CGGBP1: variants seen among roughly 807,000 people sequenced by gnomAD.
The protein encoded by CGGBP1 is CGG triplet repeat binding protein 1.
A neutral mutation model predicts 11.4 loss-of-function variants in CGGBP1; 4 were observed. That is an observed-to-expected ratio of 0.35 (90% CI 0.17 to 0.80). The LOEUF (loss-of-function observed/expected upper bound fraction) is 0.80. Ranked by LOEUF, CGGBP1 falls within the 30% of genes least tolerant of loss-of-function variation. CGGBP1 has a pLI of 0.52. For synonymous variants in CGGBP1, 76 were observed against 74.1 expected (o/e 1.03, Z -0.13); for missense variants, 135 against 202.1 (o/e 0.67, Z 2.01).
At chr3:88,098,841 T>C (rs529692392) in intron 2 of CGGBP1, among the ~76,000 whole-genome samples, 40 of 152,226 alleles carry the variant, frequency 2.6e-4, no homozygotes, top group African/African-American at 8.7e-4. Flanking sequence ...TATCTCAAAA[T>C]AATAAGAGCT....
At chr3:88,090,668 C>T (rs1197672689) in intron 2 of CGGBP1, among the ~76,000 whole-genome samples, 1 of 152,130 alleles carries the variant, frequency 6.6e-6, no homozygotes, top group African/African-American at 2.4e-5. Flanking sequence ...ATTCACCATT[C>T]ACTCACTGAC....
Position 88,055,873 on chromosome 3 carries a change from T to C in CGGBP1, c.104A>G (p.His35Arg), listed in dbSNP as rs1364324411. Residue 35 changes from histidine to arginine, a missense_variant, in exon 4 of 4, where the codon CAT (histidine) becomes CGT (arginine). His to Arg is a conservative substitution (Grantham distance 29). Transcript: ENST00000482016. The surrounding 1 kb of genome is among the most constrained non-coding windows in gnomAD (Gnocchi z 4.2). ...DRVTEFGGELHEDGGKLFCTS... is the reference protein window; with the variant it reads ...DRVTEFGGELREDGGKLFCTS... ...GCAGAAGAGTTTTCCTCCATCTTCA[T>C]GCAGCTCACCTCCAAACTCAGTGAC... is the stretch of plus-strand genomic sequence containing the variant. 1.2e-6 allele frequency: 2 copies of C among 1,614,214 alleles called. No individual in the cohort carries two copies. Among genetic ancestry groups the C allele is most frequent in the Admixed American group, 1.7e-5 (1 of 60,030 alleles).
intron 2 of CGGBP1, among the ~76,000 whole-genome samples, chr3:88,102,690 A>G (rs1704496277): frequency 6.6e-6 from 1 of 152,188 alleles, no homozygotes; most frequent in Non-Finnish European, 1.5e-5. Context: ...CATGATACCA[A>G]CAACAAAACC....
At chr3:88,107,650 C>A (rs1288576858) in intron 2 of CGGBP1, among the ~76,000 whole-genome samples, 1 of 152,074 alleles carries the variant, frequency 6.6e-6, no homozygotes, top group South Asian at 2.1e-4. Context: ...TTAACTCTTG[C>A]TTCTTGTGTT....
At chr3:88,116,559 T>TACACACACACACACACACACACACAC (rs140401038) in intron 2 of CGGBP1, among the ~76,000 whole-genome samples, 1 of 146,654 alleles carries the variant, frequency 6.8e-6, no homozygotes, top group African/African-American at 2.5e-5. Flanking sequence ...CATACATATA[T>TACACACACACACACACACACACACAC]ATACACACAC....
chr3:88,128,395 T>A (rs2032685497), intron 2 of CGGBP1, among the ~76,000 whole-genome samples: 1 of 152,106 alleles, frequency 6.6e-6, no homozygotes, highest in South Asian at 2.1e-4. Flanking sequence ...ATGGTTTTAA[T>A]GTGACAGATT....
At chr3:88,069,913 A>G (rs1398584613) in intron 2 of CGGBP1, among the ~76,000 whole-genome samples, 1 of 152,182 alleles carries the variant, frequency 6.6e-6, no homozygotes, top group Admixed American at 6.5e-5. Context: ...CCATATTTAG[A>G]TTTAACCTTG....
chr3:88,066,852 A>G (rs1707230931), intron 2 of CGGBP1, among the ~76,000 whole-genome samples: 1 of 152,244 alleles, frequency 6.6e-6, no homozygotes, highest in Non-Finnish European at 1.5e-5. Context: ...CTGGTAAGAT[A>G]TGTGAAGAAA....
In CGGBP1 at chr3:88,069,657, G is replaced by A. The variant is rs187130591; in HGVS notation, c.-228-11434C>T. On this transcript the variant is annotated intron_variant, in intron 2 of 3. Transcript: ENST00000462901. ...GACTTTTCTGCTACTTAGATGGAGA[G>A]TCTTTCAGTTATTTTTGTATTCACC... Among the ~76,000 whole-genome samples the A allele has an allele frequency of 3.9e-5, 6 of 152,262 alleles. No individual in the cohort carries two copies. In the East Asian group the frequency reaches 9.7e-4, roughly 25 times the overall value.
At chr3:88,088,761 TATGGATGG>T (rs931246026) in intron 2 of CGGBP1, among the ~76,000 whole-genome samples, 5 of 126,488 alleles carry the variant, frequency 4.0e-5, no homozygotes, top group African/African-American at 1.5e-4. Flanking sequence ...TGTATGTATG[TATGGATGG>T]ATGGATGGAT....
At position 88,057,214 on chromosome 3, in the gene CGGBP1, A is replaced by G. The variant is rs899118327; in HGVS notation, c.-47T>C. The G allele has an allele frequency of 2.0e-5, 3 of 152,176 alleles. No homozygotes were observed. Among genetic ancestry groups the G allele is most frequent in the African/African-American group, 7.2e-5 (3 of 41,446 alleles). 9.4% of individuals were successfully genotyped at this position (152,176 alleles called of 1,614,324 possible). A position where few individuals can be genotyped will look rare whatever the true frequency, so the allele number is the denominator to read the frequency against. ...ACTAGAGAATAGCTGGGTAACATGA[A>G]CTCTCTTTCAAAAGGACTTTAAATT... On this transcript the variant is annotated 5_prime_UTR_variant, in exon 3 of 4. Transcript: ENST00000482016.
At chr3:88,063,767 T>C (rs1396224501), upstream of CGGBP1, among the ~76,000 whole-genome samples, 1 of 152,186 alleles carries the variant, frequency 6.6e-6, no homozygotes, top group Non-Finnish European at 1.5e-5. Context: ...CTTGAATAGA[T>C]AGTGTAGGGA....
intron 2 of CGGBP1, among the ~76,000 whole-genome samples, chr3:88,114,513 A>G (rs1036265521): frequency 6.6e-6 from 1 of 152,118 alleles, no homozygotes; most frequent in Non-Finnish European, 1.5e-5. Context: ...ATACTTTTCT[A>G]TCTCCTGCTC....
chr3:88,075,669 T>A (rs765359631), intron 2 of CGGBP1, among the ~76,000 whole-genome samples: 2 of 152,230 alleles, frequency 1.3e-5, no homozygotes, highest in African/African-American at 2.4e-5. Flanking sequence ...TCAGCAATAG[T>A]AGGATATGTC....
intron 2 of CGGBP1, among the ~76,000 whole-genome samples, chr3:88,074,447 C>T (rs4858990): frequency 0.94 from 142,826 of 151,628 alleles, 67,749 homozygotes; most frequent in Non-Finnish European, 1. Flanking sequence ...GTTGAAGCAG[C>T]TCTCCTGCCT....
chr3:88,071,512 A>G (rs4638995), intron 2 of CGGBP1, among the ~76,000 whole-genome samples: 119,219 of 152,202 alleles, frequency 0.78, 47,624 homozygotes, highest in South Asian at 0.91. Context: ...TGGGCGCGGT[A>G]GCGGGCGCCT....
At position 88,086,134 on chromosome 3, in the gene CGGBP1, T is replaced by A. The variant is rs539616740; in HGVS notation, c.-228-27911A>T. On this transcript the variant is annotated intron_variant, in intron 2 of 3. Transcript: ENST00000462901. ...ATAAACAGTATAGAAGATCCCTCCCTCCAGTCACCTGTGTTCATGCCGATC... is the reference window on the plus strand; with the variant it reads ...ATAAACAGTATAGAAGATCCCTCCCACCAGTCACCTGTGTTCATGCCGATC... The A allele has an allele frequency of 8.9e-4, 670 of 751,602 alleles. 5 individuals are homozygous for A. In the African/African-American group the frequency reaches 0.011, roughly 12 times the overall value. The allele number at this position is 751,602 out of a possible 1,614,324, so 46.6% of individuals were successfully genotyped here. A position where few individuals can be genotyped will look rare whatever the true frequency, so the allele number is the denominator to read the frequency against.
At chr3:88,127,227 T>G (rs1336994248) in intron 2 of CGGBP1, among the ~76,000 whole-genome samples, 1 of 152,122 alleles carries the variant, frequency 6.6e-6, no homozygotes, top group East Asian at 1.9e-4. Context: ...AAAAAGACAT[T>G]TCATACCACA....
intron 2 of CGGBP1, among the ~76,000 whole-genome samples, chr3:88,096,549 T>C (rs1704071434): frequency 6.6e-6 from 1 of 152,172 alleles, no homozygotes; most frequent in Admixed American, 6.5e-5. Context: ...CCACTGATTA[T>C]TGAATTTTAG....
Sources: gnomAD v4.1 joint callset for allele counts (sites outside exome capture counted in the v4.1 genomes callset) on GRCh38, gnomAD v4.1.1 for gene constraint, Gnocchi (gnomAD v3.1) non-coding constraint, MANE v1.5 for transcripts, NCBI Gene and HGNC (gene_info 2026-07-23, HGNC 2026-07-21) for gene names.